RBPJ: variants seen among roughly 807,000 people sequenced by gnomAD.
RBPJ encodes recombining binding protein suppressor of hairless.
RBPJ carries 9 observed loss-of-function variants against 67.8 expected under a neutral mutation model. The observed-to-expected ratio is 0.13, with a 90% CI of 0.08 to 0.23. The LOEUF is 0.23. RBPJ is among the 10% of genes least tolerant of loss of function. RBPJ has a pLI of 1.00. For synonymous variants in RBPJ, 198 were observed against 203.3 expected (o/e 0.97, Z 0.22); for missense variants, 305 against 595.6 (o/e 0.51, Z 5.08).
chr4:26,368,475 G>A (rs528515745), intron 1 of RBPJ, among the ~76,000 whole-genome samples: 2 of 152,160 alleles, frequency 1.3e-5, no homozygotes, highest in East Asian at 1.9e-4. Flanking sequence ...GGAAGCACGA[G>A]GTTTTGTGTT....
At chr4:26,421,532 A>T (rs1244015628) in intron 5 of RBPJ, among the ~76,000 whole-genome samples, 2 of 152,032 alleles carry the variant, frequency 1.3e-5, no homozygotes, top group African/African-American at 4.8e-5. Flanking sequence ...TGAACTCCTG[A>T]CCTCAGGTGA....
At chr4:26,115,316 A>G in the RBPJ span, among the ~76,000 whole-genome samples, 1 of 152,146 alleles carries the variant, frequency 6.6e-6, no homozygotes, top group East Asian at 1.9e-4. Context: ...TGTTTTTGTG[A>G]GGTTTTAAAC....
At chr4:26,177,119 A>G (rs560600590) in intron 1 of RBPJ, among the ~76,000 whole-genome samples, 7 of 152,256 alleles carry the variant, frequency 4.6e-5, no homozygotes, top group Admixed American at 2.0e-4. Context: ...AGCCTTCATA[A>G]GCTCCTAGAT....
chr4:26,250,037 C>T (rs540942497), intron 1 of RBPJ, among the ~76,000 whole-genome samples: 43 of 152,022 alleles, frequency 2.8e-4, no homozygotes, highest in Admixed American at 5.2e-4. Flanking sequence ...CCCCCCGCCA[C>T]GGCCTCCCAA....
chr4:26,243,112 A>G (rs1399197281), intron 1 of RBPJ, among the ~76,000 whole-genome samples: 1 of 152,080 alleles, frequency 6.6e-6, no homozygotes, highest in Non-Finnish European at 1.5e-5. Flanking sequence ...CTGTAATCCC[A>G]TCTACTCGGG....
chr4:26,214,762 GAAAA>G lies in RBPJ; in HGVS notation c.-167+51151_-167+51154del, dbSNP rs1237866919. On this transcript the variant is annotated intron_variant, in intron 1 of 4. Transcript: ENST00000512351. Reference sequence around the variant, plus strand: ...AGAGAGAGAGAAAGAGAAAAAGAGAGAAAAAAGAGAAAGAAAGAAAGAAAAAGAG... The same window carrying G: ...AGAGAGAGAGAAAGAGAAAAAGAGAGAAGAGAAAGAAAGAAAGAAAAAGAG... Among the ~76,000 whole-genome samples the G allele has an allele frequency of 7.3e-4, 30 of 41,050 alleles. No homozygotes were observed. The Admixed American group carries it at 8.1e-3, about 11-fold the overall frequency. The allele number at this position is 41,050 out of a possible 152,430, so 26.9% of individuals were successfully genotyped here.
intron 1 of RBPJ, among the ~76,000 whole-genome samples, chr4:26,358,020 C>CGTGTGTGTGTGTGT (rs4069724): frequency 6.1e-4 from 88 of 145,114 alleles, no homozygotes; most frequent in African/African-American, 7.4e-4. Flanking sequence ...AGGGGGTATT[C>CGTGTGTGTGTGTGT]GTGTGTGTGT....
At chr4:26,382,697 C>T (rs1730446731) in intron 1 of RBPJ, among the ~76,000 whole-genome samples, 1 of 152,114 alleles carries the variant, frequency 6.6e-6, no homozygotes, top group African/African-American at 2.4e-5. Flanking sequence ...CCAGCTGCTA[C>T]ACCCAGCTAT....
chr4:26,400,797 A>G (rs1021808205), intron 2 of RBPJ, among the ~76,000 whole-genome samples: 18 of 152,248 alleles, frequency 1.2e-4, no homozygotes, highest in African/African-American at 3.9e-4. Flanking sequence ...GTCACCCTGC[A>G]TTCATCATAA....
chr4:26,165,805 T>A (rs1716261822), intron 1 of RBPJ, among the ~76,000 whole-genome samples: 1 of 151,676 alleles, frequency 6.6e-6, no homozygotes, highest in Admixed American at 6.6e-5. Context: ...TATGCTGGTG[T>A]GCTGCACCCA....
chr4:26,325,157 T>G (rs1723490886), intron 1 of RBPJ, among the ~76,000 whole-genome samples: 1 of 152,188 alleles, frequency 6.6e-6, no homozygotes, highest in Admixed American at 6.5e-5. Context: ...GCCTTTACAT[T>G]TAATTACTGA....
chr4:26,325,078 T>A (rs1264371314), intron 1 of RBPJ, among the ~76,000 whole-genome samples: 1 of 152,224 alleles, frequency 6.6e-6, no homozygotes. Context: ...GTTGCTTCTC[T>A]GTTCTTGGTA....
chr4:26,349,103 C>G (rs1560284697), intron 1 of RBPJ, among the ~76,000 whole-genome samples: 1 of 151,108 alleles, frequency 6.6e-6, no homozygotes, highest in Non-Finnish European at 1.5e-5. Context: ...CGCGCACGCA[C>G]TTGCCAGGCT....
At chr4:26,378,737 G>A in intron 1 of RBPJ, among the ~76,000 whole-genome samples, 1 of 152,140 alleles carries the variant, frequency 6.6e-6, no homozygotes, top group East Asian at 1.9e-4. Context: ...TAAAAATTAA[G>A]TAAATGAGGC....
chr4:26,312,949 C>T (rs1722483783), intron 1 of RBPJ, among the ~76,000 whole-genome samples: 1 of 152,122 alleles, frequency 6.6e-6, no homozygotes, highest in Non-Finnish European at 1.5e-5. Flanking sequence ...ATGACAGGTT[C>T]TCTCTCTGTC....
chr4:26,208,641 C>T (rs890661692), intron 1 of RBPJ, among the ~76,000 whole-genome samples: 2 of 152,192 alleles, frequency 1.3e-5, no homozygotes, highest in African/African-American at 4.8e-5. Flanking sequence ...ATCCATTGCT[C>T]CTTTGAATTA....
At chr4:26,259,897 T>A (rs1050586460) in intron 1 of RBPJ, among the ~76,000 whole-genome samples, 1 of 152,238 alleles carries the variant, frequency 6.6e-6, no homozygotes, top group South Asian at 2.1e-4. Flanking sequence ...TGGGGCATTA[T>A]CCCCACAAAC....
rs1735416897 is a variant in RBPJ at position 26,424,247 on chromosome 4, GAATA to G, written c.497-93_497-90del. ...TGTCAAACTGTTAAATGATAAGAAA[GAATA>G]ATTATACACTGCCAAGCAGAATTTC... On this transcript the variant is annotated intron_variant, in intron 5 of 10. Transcript: ENST00000355476. The surrounding 1 kb of genome is among the most constrained non-coding windows in gnomAD (Gnocchi z 5.3). 8.6e-7 allele frequency: 1 copy of G among 1,168,522 alleles called. No homozygotes were observed. 72.4% of individuals were successfully genotyped at this position (1,168,522 alleles called of 1,614,324 possible).
intron 1 of RBPJ, among the ~76,000 whole-genome samples, chr4:26,183,437 T>A (rs1223667455): frequency 6.6e-6 from 1 of 152,242 alleles, no homozygotes. Flanking sequence ...TTCTTGTTAA[T>A]AACCACCTGC....
Sources: allele counts gnomAD v4.1 joint callset (sites outside exome capture counted in the v4.1 genomes callset), GRCh38; gene constraint gnomAD v4.1.1; non-coding constraint Gnocchi (gnomAD v3.1); transcripts MANE v1.5; gene names NCBI Gene and HGNC (gene_info 2026-07-23, HGNC 2026-07-21).